Variants in EPS15 observed in about 807,000 individuals in gnomAD.
The protein encoded by EPS15 is epidermal growth factor receptor substrate 15.
Under a neutral mutation model 113.8 loss-of-function variants are expected in EPS15, and 72 were observed. That is an observed-to-expected ratio of 0.63 (90% CI 0.52 to 0.77). The LOEUF (loss-of-function observed/expected upper bound fraction) is 0.77, where lower values mean the gene tolerates loss of function less well. Ranked by LOEUF, EPS15 falls within the 30% of genes least tolerant of loss-of-function variation. The pLI is 0.00. For synonymous variants in EPS15, 344 were observed against 363.4 expected (o/e 0.95, Z 0.61); for missense variants, 1,048 against 1,045.8 (o/e 1.00, Z -0.03).
chr1:51,503,170 C>A (rs974047577), intron 1 of EPS15, among the ~76,000 whole-genome samples: 1 of 152,098 alleles, frequency 6.6e-6, no homozygotes, highest in Non-Finnish European at 1.5e-5. Flanking sequence ...AAACATCCCA[C>A]GTTCATAGAT....
chr1:51,426,540 T>C lies in EPS15; in HGVS notation c.1041-4682A>G, dbSNP rs746744851. ...ATATTTGGACAAACACGACCCTAGA[T>C]GTTACTGTGAAGGTATTTTTTAGGT... is the stretch of plus-strand genomic sequence containing the variant. On this transcript the variant is annotated intron_variant, in intron 12 of 24. Transcript: ENST00000371733. Among the ~76,000 whole-genome samples, 7 of 151,360 alleles carry C rather than the reference T, an allele frequency of 4.6e-5. No homozygotes were observed. In the East Asian group the frequency reaches 1.2e-3, roughly 25 times the overall value.
chr1:51,430,386 C>A (rs1009134329), intron 12 of EPS15, among the ~76,000 whole-genome samples: 7 of 151,458 alleles, frequency 4.6e-5, no homozygotes, highest in Non-Finnish European at 8.8e-5. Context: ...CTGGCCAACT[C>A]GCTGAAACCC....
intron 1 of EPS15, among the ~76,000 whole-genome samples, chr1:51,497,514 ACAAC>A (rs1644344650): frequency 6.6e-6 from 1 of 152,356 alleles, no homozygotes; most frequent in South Asian, 2.1e-4. Context: ...TTATAAGCAT[ACAAC>A]AAAGGGTGAG....
At chr1:51,378,795 T>C (rs1471203887) in intron 21 of EPS15, among the ~76,000 whole-genome samples, 3 of 152,158 alleles carry the variant, frequency 2.0e-5, no homozygotes, top group Non-Finnish European at 4.4e-5. Context: ...GAAGGTAATA[T>C]GAAATTCTGG....
chr1:51,458,691 C>T (rs1004138949), intron 8 of EPS15: 12 of 329,656 alleles, frequency 3.6e-5, no homozygotes, highest in African/African-American at 2.3e-4. Flanking sequence ...GAGCTGAGAT[C>T]CCGCCACTGC....
At chr1:51,469,121 CTG>C (rs35494082) in intron 4 of EPS15, among the ~76,000 whole-genome samples, 8,580 of 151,638 alleles carry the variant, frequency 0.057, 337 homozygotes, top group Non-Finnish European at 0.086. Flanking sequence ...CAGAGCGAGA[CTG>C]TCTCAAAAAA....
chr1:51,470,302 C>A (rs1444986962), intron 4 of EPS15, among the ~76,000 whole-genome samples: 1 of 152,148 alleles, frequency 6.6e-6, no homozygotes, highest in African/African-American at 2.4e-5. Context: ...ATTTTTGTCA[C>A]ATGGAAATTC....
chr1:51,373,185 A>T (rs1428164216), intron 21 of EPS15: 2 of 155,946 alleles, frequency 1.3e-5, no homozygotes, highest in Non-Finnish European at 1.5e-5. Context: ...TAGATAAGGA[A>T]AAGAGTGATG....
Position 51,413,973 on chromosome 1 carries a change from C to CT in EPS15, c.1114-4278dup, listed in dbSNP as rs923054479. The stretch of plus-strand genomic sequence containing the variant: ...CCATGTTGCCCAGGGTGGTCTCAAA[C>CT]TCCTAGGCTCAAATGATCTGCCCGC... On this transcript the variant is annotated intron_variant, in intron 13 of 24. Transcript: ENST00000371733. Among the ~76,000 whole-genome samples, 106 of 152,172 alleles carry CT rather than the reference C, an allele frequency of 7.0e-4. 1 individual carries two copies. Among genetic ancestry groups the CT allele is most frequent in the African/African-American group, 2.4e-3 (101 of 41,540 alleles).
intron 8 of EPS15, among the ~76,000 whole-genome samples, chr1:51,450,241 G>C (rs1313725788): frequency 6.7e-6 from 1 of 149,598 alleles, no homozygotes; most frequent in African/African-American, 2.5e-5. Context: ...AGGCCACACT[G>C]GGGGGGGCTG....
At chr1:51,514,587 T>G (rs531374838) in intron 1 of EPS15, among the ~76,000 whole-genome samples, 1 of 152,196 alleles carries the variant, frequency 6.6e-6, no homozygotes, top group South Asian at 2.1e-4. Flanking sequence ...AATCACACTA[T>G]TAGAGATTGC....
intron 1 of EPS15, among the ~76,000 whole-genome samples, chr1:51,509,161 A>G (rs1644575327): frequency 1.3e-5 from 2 of 152,180 alleles, no homozygotes; most frequent in Admixed American, 1.3e-4. Context: ...TTACTAGAGT[A>G]GTGACACACA....
At chr1:51,443,370 TAC>T (rs1011138324) in intron 11 of EPS15, among the ~76,000 whole-genome samples, 1 of 151,182 alleles carries the variant, frequency 6.6e-6, no homozygotes, top group African/African-American at 2.4e-5. Context: ...ATAACTGAGG[TAC>T]AGTTATATAG....
intron 21 of EPS15, among the ~76,000 whole-genome samples, chr1:51,382,796 A>T (rs1646972160): frequency 6.6e-6 from 1 of 152,196 alleles, no homozygotes; most frequent in African/African-American, 2.4e-5. Flanking sequence ...TCACGGGTGA[A>T]TTCTACCAAA....
At chr1:51,493,721 C>T (rs1315050132) in intron 1 of EPS15, among the ~76,000 whole-genome samples, 2 of 151,096 alleles carry the variant, frequency 1.3e-5, no homozygotes, top group African/African-American at 2.4e-5. Context: ...TGGGTTCAAG[C>T]GATTCTCCTG....
At chr1:51,384,171 A>G (rs998022714) in intron 21 of EPS15, among the ~76,000 whole-genome samples, 1 of 152,202 alleles carries the variant, frequency 6.6e-6, no homozygotes, top group Non-Finnish European at 1.5e-5. Context: ...TACAGATTCA[A>G]TGCAATCCCT....
chr1:51,462,909 G>T (rs1159228978), intron 7 of EPS15, among the ~76,000 whole-genome samples: 1 of 112,752 alleles, frequency 8.9e-6, no homozygotes, highest in Non-Finnish European at 1.7e-5. Flanking sequence ...AGACAGTCTT[G>T]CTTGTCGCCC....
chr1:51,483,674 T>TG (rs143598894), intron 1 of EPS15, among the ~76,000 whole-genome samples: 2,447 of 151,962 alleles, frequency 0.016, 30 homozygotes, highest in Admixed American at 0.033. Context: ...GACAGGGTGG[T>TG]GCATGCCTAT....
chr1:51,392,218 C>T (rs1309884094), intron 21 of EPS15, among the ~76,000 whole-genome samples: 3 of 152,174 alleles, frequency 2.0e-5, no homozygotes, highest in East Asian at 1.9e-4. Context: ...ACTACTTTAA[C>T]CTTCTGAAAA....
Sources: allele counts gnomAD v4.1 joint callset (sites outside exome capture counted in the v4.1 genomes callset), GRCh38; gene constraint gnomAD v4.1.1; transcripts MANE v1.5; gene names NCBI Gene and HGNC (gene_info 2026-07-23, HGNC 2026-07-21).